The following PRRC2B variants were observed in gnomAD, a reference collection of about 807,000 sequenced individuals.
PRRC2B encodes protein PRRC2B.
A neutral mutation model predicts 242.3 loss-of-function variants in PRRC2B; 68 were observed. The ratio of observed to expected loss-of-function variants is 0.28; its 90% CI spans 0.23 to 0.34. The LOEUF (loss-of-function observed/expected upper bound fraction) is 0.34. Ranked by LOEUF, PRRC2B falls within the 10% of genes least tolerant of loss-of-function variation. The pLI is 1.00. For missense variants in PRRC2B, 2,835 were observed against 2,954.8 expected, an observed-to-expected ratio of 0.96 and a Z score of 0.94; for synonymous variants, 1,228 against 1,173.6, an observed-to-expected ratio of 1.05 and a Z score of -0.95.
Position 131,432,808 on chromosome 9 carries a change from G to A in PRRC2B, c.293+14G>A. ...AGACCCAAAGAGGTAAACGGAGGAGGCGGGTGGTGAGTGGGAGCTGGCGCT... is the reference window on the plus strand; with the variant it reads ...AGACCCAAAGAGGTAAACGGAGGAGACGGGTGGTGAGTGGGAGCTGGCGCT... On this transcript the variant is annotated intron_variant, in intron 3 of 31. Transcript: ENST00000683519. 2 of 1,612,570 alleles carry A rather than the reference G, an allele frequency of 1.2e-6. No homozygotes were observed. Among genetic ancestry groups the A allele is most frequent in the Non-Finnish European group, 1.7e-6 (2 of 1,179,076 alleles).
intron 1 of PRRC2B, among the ~76,000 whole-genome samples, chr9:131,419,788 G>T (rs1020688520): frequency 1.3e-5 from 2 of 152,034 alleles, no homozygotes; most frequent in African/African-American, 2.4e-5. Flanking sequence ...TTTCAGATTT[G>T]AGACTGCCGG....
At chr9:131,479,171 G>A in intron 18 of PRRC2B, 81 bp from the exon 19 acceptor site, 2 of 1,426,806 alleles carry the variant, frequency 1.4e-6, no homozygotes, top group South Asian at 1.3e-5. Context: ...GTGATTTTTG[G>A]TACCTGGGAT....
intron 1 of PRRC2B, among the ~76,000 whole-genome samples, chr9:131,399,722 A>G (rs573891990): frequency 1.3e-5 from 2 of 152,302 alleles, no homozygotes; most frequent in South Asian, 2.1e-4. Flanking sequence ...AATTAGAGCA[A>G]TAGTATATAT....
Position 131,475,116 on chromosome 9 carries a change from C to A in PRRC2B, c.2987C>A (p.Ala996Asp). Reference protein sequence around the residue: ...DEDEENDASLANSSTTTLEDK... With the variant: ...DEDEENDASLDNSSTTTLEDK... ...GACGAAGAGAACGATGCCTCTCTGGCCAACTCCTCCACCACCACTTTGGAG... is the reference window on the plus strand; with the variant it reads ...GACGAAGAGAACGATGCCTCTCTGGACAACTCCTCCACCACCACTTTGGAG... Residue 996 changes from alanine (A) to aspartate (D), a missense_variant, in exon 16 of 32, where the codon GCC (alanine) becomes GAC (aspartate). By Grantham distance (126) the Ala-to-Asp change is moderately radical. Transcript: ENST00000683519. 6.2e-7 allele frequency: 1 copy of A among 1,611,828 alleles called. No homozygotes were observed. Among genetic ancestry groups the A allele is most frequent in the Non-Finnish European group, 8.5e-7 (1 of 1,178,944 alleles).
chr9:131,393,862 A>ACTCCCAGCCCC (rs1322201825), upstream of PRRC2B, among the ~76,000 whole-genome samples: 25 of 90,764 alleles, frequency 2.8e-4, no homozygotes, highest in Admixed American at 1.7e-3. Flanking sequence ...GCCCCTCCCC[A>ACTCCCAGCCCC]CTCCCAGCCC....
chr9:131,489,384 C>T (rs1232198469), intron 28 of PRRC2B, among the ~76,000 whole-genome samples: 3 of 151,960 alleles, frequency 2.0e-5, no homozygotes. Context: ...GGGGGTTTCA[C>T]CATGTCAGGC....
At position 131,464,886 on chromosome 9, in the gene PRRC2B, C is replaced by T. The variant is rs746254597; in HGVS notation, c.1528C>T (p.Arg510Trp). ...GGCGGTGGAGCGAGCCCGAAAGCGCCGGGAAGAAGAGGAGCGCCGAGCCCG... is the reference window on the plus strand; with the variant it reads ...GGCGGTGGAGCGAGCCCGAAAGCGCTGGGAAGAAGAGGAGCGCCGAGCCCG... ...SEAVERARKR[R>W]EEEERRAREE... Residue 510 changes from arginine (R) to tryptophan (W), a missense_variant, in exon 12 of 32, where the codon CGG becomes TGG. By Grantham distance (101) the Arg-to-Trp change is moderately radical. Coordinates refer to ENST00000683519, the MANE Select transcript of PRRC2B (RefSeq NM_013318.4). 36 of 1,613,152 alleles carry T rather than the reference C, an allele frequency of 2.2e-5. No individual in the cohort carries two copies. Among genetic ancestry groups the T allele is most frequent in the Non-Finnish European group, 2.9e-5 (34 of 1,179,692 alleles).
At chr9:131,492,285 G>A (rs775525378) in intron 30 of PRRC2B, 25 bp downstream of exon 30, 10 of 1,580,320 alleles carry the variant, frequency 6.3e-6, no homozygotes, top group East Asian at 2.2e-5. Context: ...TGGGGACTGC[G>A]TGCTGTGTAG....
At chr9:131,481,858 G>T in intron 20 of PRRC2B, 50 bp downstream of exon 20, 1 of 1,468,276 alleles carries the variant, frequency 6.8e-7, no homozygotes, top group Non-Finnish European at 9.3e-7. Context: ...GTGTGTGAGT[G>T]TGTGCTCACC....
chr9:131,469,354 A>T (rs943925350), intron 13 of PRRC2B, among the ~76,000 whole-genome samples: 22 of 150,950 alleles, frequency 1.5e-4, no homozygotes, highest in Admixed American at 1.4e-3. Flanking sequence ...ATAAAATAAA[A>T]TAAATAATAG....
At chr9:131,374,153 G>C (rs990095540) in intron 1 of PRRC2B, among the ~76,000 whole-genome samples, 9 of 151,376 alleles carry the variant, frequency 5.9e-5, no homozygotes, top group Non-Finnish European at 1.2e-4. Context: ...ATTACACATT[G>C]TATGCATGTA....
chr9:131,489,796 T>C (rs1377872848), intron 28 of PRRC2B, among the ~76,000 whole-genome samples: 1 of 152,004 alleles, frequency 6.6e-6, no homozygotes, highest in African/African-American at 2.4e-5. Context: ...GCATCAGATA[T>C]CCCTTCCCGT....
At chr9:131,388,295 C>G (rs1271504475) in intron 1 of PRRC2B, among the ~76,000 whole-genome samples, 1 of 139,900 alleles carries the variant, frequency 7.1e-6, no homozygotes, top group East Asian at 2.1e-4. Context: ...GGCTGGAGTG[C>G]AGTGGTGCAA....
chr9:131,376,046 C>CAAAAAAAAAA (rs56400904), intron 1 of PRRC2B, among the ~76,000 whole-genome samples: 7 of 72,978 alleles, frequency 9.6e-5, no homozygotes, highest in African/African-American at 3.4e-4. Context: ...GAGACTGTCT[C>CAAAAAAAAAA]AAAAAAAAAA....
chr9:131,481,329 A>AG (rs1434932237), intron 19 of PRRC2B, among the ~76,000 whole-genome samples: 58 of 151,168 alleles, frequency 3.8e-4, no homozygotes, highest in East Asian at 1.9e-3. Flanking sequence ...AAAAAAAAAA[A>AG]AAAGAAAGAT....
At position 131,454,957 on chromosome 9, in the gene PRRC2B, C is replaced by T. The variant is rs969591598; in HGVS notation, c.1121-119C>T. On this transcript the variant is annotated intron_variant, in intron 9 of 31. Coordinates refer to ENST00000683519, the MANE Select transcript of PRRC2B (RefSeq NM_013318.4). ...CAGTCTGGTCTCAAACTCCTGTCCT[C>T]ATGATCCGCCCACCTCAGCCTCGCA... The T allele has an allele frequency of 1.2e-5, 9 of 720,796 alleles. No individual in the cohort carries two copies. The South Asian group carries it at 1.4e-4, about 11-fold the overall frequency. 44.7% of individuals were successfully genotyped at this position (720,796 alleles called of 1,614,324 possible).
At chr9:131,404,020 G>A (rs969177860) in intron 1 of PRRC2B, among the ~76,000 whole-genome samples, 3 of 151,874 alleles carry the variant, frequency 2.0e-5, no homozygotes, top group Non-Finnish European at 4.4e-5. Context: ...GCCTCAAGCT[G>A]TCTTCCCATC....
At position 131,495,880 on chromosome 9, in the gene PRRC2B, C is replaced by T. The variant is rs1412509241; in HGVS notation, c.*6C>T. The T allele has an allele frequency of 3.1e-6, 5 of 1,599,022 alleles. No individual in the cohort carries two copies. The highest frequency in any genetic ancestry group is 3.4e-6 in the Non-Finnish European group (4 of 1,168,326). ...TGGAGGAGAGTAAGGCCTGACAGTGCCTGGCTGCCACCTCGCCTCTCCCTA... is the reference window on the plus strand; with the variant it reads ...TGGAGGAGAGTAAGGCCTGACAGTGTCTGGCTGCCACCTCGCCTCTCCCTA... On this transcript the variant is annotated 3_prime_UTR_variant, in exon 32 of 32. Transcript: ENST00000683519.
chr9:131,438,246 T>C (rs537734629), intron 4 of PRRC2B, among the ~76,000 whole-genome samples: 6 of 152,178 alleles, frequency 3.9e-5, no homozygotes, highest in African/African-American at 1.4e-4. Context: ...GTGAGCTTAG[T>C]GGTTAGAGAC....
Sources: gnomAD v4.1 joint callset for allele counts (sites outside exome capture counted in the v4.1 genomes callset) on GRCh38, gnomAD v4.1.1 for gene constraint, MANE v1.5 for transcripts, NCBI Gene and HGNC (gene_info 2026-07-23, HGNC 2026-07-21) for gene names.